The following LRRTM4 variants were observed in gnomAD, a reference collection of about 807,000 sequenced individuals.
LRRTM4 encodes leucine-rich repeat transmembrane neuronal protein 4.
A neutral mutation model predicts 47.6 loss-of-function variants in LRRTM4; 25 were observed. The ratio of observed to expected loss-of-function variants is 0.53; its 90% CI spans 0.38 to 0.73. LRRTM4 has a LOEUF of 0.73. Ranked by LOEUF, LRRTM4 falls within the 30% of genes least tolerant of loss-of-function variation. The pLI, the probability that LRRTM4 is intolerant of heterozygous loss-of-function variation, is 0.00. For synonymous variants in LRRTM4, 311 were observed against 269.5 expected, an observed-to-expected ratio of 1.15 and a Z score of -1.51; for missense variants, 638 against 713.4, an observed-to-expected ratio of 0.89 and a Z score of 1.20.
In LRRTM4 at chr2:76,930,621, T is replaced by A. The variant is rs192264897; in HGVS notation, c.1552-181705A>T. Among the ~76,000 whole-genome samples, 118 of 152,200 alleles carry A rather than the reference T, an allele frequency of 7.8e-4. 1 individual carries two copies. Among genetic ancestry groups the A allele is most frequent in the African/African-American group, 2.7e-3 (113 of 41,538 alleles). On this transcript the variant is annotated intron_variant, in intron 3 of 3. Transcript: ENST00000409884. ...TTGGACAGTCTTACAGCATGTTGTGTGACATATGGAGTGCTTTTTCACTAT... is the reference window on the plus strand; with the variant it reads ...TTGGACAGTCTTACAGCATGTTGTGAGACATATGGAGTGCTTTTTCACTAT...
intron 3 of LRRTM4, among the ~76,000 whole-genome samples, chr2:77,108,685 G>A (rs1185741137): frequency 2.0e-5 from 3 of 150,348 alleles, no homozygotes; most frequent in South Asian, 2.1e-4. Context: ...CCGGGTTCAC[G>A]CCATTCTCCT....
rs531216710 is a variant in LRRTM4 at position 77,025,815 on chromosome 2, C to A, written c.1552-276899G>T. Among the ~76,000 whole-genome samples, 3 of 152,238 alleles carry A rather than the reference C, an allele frequency of 2.0e-5. No individual in the cohort carries two copies. The South Asian group carries it at 6.2e-4, about 32-fold the overall frequency. Reference sequence around the variant, plus strand: ...GTATAATTTTTTTATCCTTTTATTCCTCATTTTAAATGCCATTTTATCAAC... The same window carrying A: ...GTATAATTTTTTTATCCTTTTATTCATCATTTTAAATGCCATTTTATCAAC... On this transcript the variant is annotated intron_variant, in intron 3 of 3. Coordinates refer to ENST00000409884, the MANE Select transcript of LRRTM4 (RefSeq NM_001134745.3).
chr2:76,889,822 GAAGA>G (rs1351618098), intron 3 of LRRTM4, among the ~76,000 whole-genome samples: 1 of 151,810 alleles, frequency 6.6e-6, no homozygotes, highest in Non-Finnish European at 1.5e-5. Flanking sequence ...TAGAGAGAAA[GAAGA>G]AAGAGAGAGA....
At chr2:76,990,896 G>C (rs532654289) in intron 3 of LRRTM4, among the ~76,000 whole-genome samples, 3 of 151,508 alleles carry the variant, frequency 2.0e-5, no homozygotes, top group Non-Finnish European at 4.4e-5. Flanking sequence ...CACATGCTTG[G>C]CTATAAAGCA....
intron 3 of LRRTM4, among the ~76,000 whole-genome samples, chr2:77,113,309 C>T (rs1191949452): frequency 6.6e-6 from 1 of 152,076 alleles, no homozygotes; most frequent in African/African-American, 2.4e-5. Context: ...GCAAAATGAC[C>T]TCAGTACAAA....
intron 3 of LRRTM4, among the ~76,000 whole-genome samples, chr2:77,293,760 G>A (rs1250779945): frequency 6.6e-6 from 1 of 152,064 alleles, no homozygotes; most frequent in Non-Finnish European, 1.5e-5. Context: ...TAAGGGCTAT[G>A]TCCAAAGAAT....
intron 3 of LRRTM4, among the ~76,000 whole-genome samples, chr2:76,781,141 C>A (rs1674362911): frequency 6.6e-6 from 1 of 152,254 alleles, no homozygotes; most frequent in African/African-American, 2.4e-5. Flanking sequence ...CTGGGAGAAC[C>A]ACAGCTCTCT....
At chr2:77,284,432 C>T (rs974398542) in intron 3 of LRRTM4, among the ~76,000 whole-genome samples, 1 of 151,920 alleles carries the variant, frequency 6.6e-6, no homozygotes, top group East Asian at 1.9e-4. Context: ...TTTGTCTTTT[C>T]ATTAAATATA....
rs893824593 is a variant in LRRTM4 at position 77,403,885 on chromosome 2, T to TATATATATATATATATATATATA, written c.1551+114432_1551+114433insTATATATATATATATATATATAT. 6.1e-4 allele frequency among the ~76,000 whole-genome samples: 91 copies of TATATATATATATATATATATATA among 150,356 alleles called. 1 individual carries two copies. The highest frequency in any genetic ancestry group is 2.2e-3 in the African/African-American group (90 of 40,046). On this transcript the variant is annotated intron_variant, in intron 3 of 3. Coordinates refer to ENST00000409884, the MANE Select transcript of LRRTM4 (RefSeq NM_001134745.3). ...TAAATGAGAAATATATATATATATA[T>TATATATATATATATATATATATA]TTTAGGAAAGGCGATTTCATTGAGA...
chr2:77,412,752 A>T (rs1277910332), intron 3 of LRRTM4, among the ~76,000 whole-genome samples: 2 of 152,212 alleles, frequency 1.3e-5, no homozygotes, highest in African/African-American at 4.8e-5. Context: ...AGCGAGTGAG[A>T]ACTATTCTGT....
chr2:77,329,429 G>A (rs1484846165), intron 3 of LRRTM4, among the ~76,000 whole-genome samples: 4 of 152,132 alleles, frequency 2.6e-5, no homozygotes, highest in South Asian at 2.1e-4. Flanking sequence ...CCATGAACAC[G>A]TTGGAAACAA....
chr2:77,322,772 T>C (rs149253260), intron 3 of LRRTM4, among the ~76,000 whole-genome samples: 3 of 149,752 alleles, frequency 2.0e-5, no homozygotes, highest in East Asian at 2.0e-4. Flanking sequence ...GATTTTGTTA[T>C]GCGTATAACA....
At chr2:77,241,203 AAT>A (rs1198202381) in intron 3 of LRRTM4, among the ~76,000 whole-genome samples, 2 of 119,176 alleles carry the variant, frequency 1.7e-5, no homozygotes, top group East Asian at 2.7e-4. Context: ...TGGAATTGGA[AAT>A]ACACACACAC....
intron 3 of LRRTM4, among the ~76,000 whole-genome samples, chr2:77,172,414 G>A (rs1673073913): frequency 6.6e-6 from 1 of 152,028 alleles, no homozygotes; most frequent in African/African-American, 2.4e-5. Context: ...GGCCAATATG[G>A]TGAAACCCCG....
chr2:77,089,042 T>A (rs1324041615), intron 3 of LRRTM4, among the ~76,000 whole-genome samples: 1 of 152,124 alleles, frequency 6.6e-6, no homozygotes, highest in Non-Finnish European at 1.5e-5. Flanking sequence ...GTTTAATCAC[T>A]GCAGGGACAC....
intron 3 of LRRTM4, among the ~76,000 whole-genome samples, chr2:77,354,694 T>G (rs1325135932): frequency 6.6e-6 from 1 of 152,178 alleles, no homozygotes; most frequent in Non-Finnish European, 1.5e-5. Flanking sequence ...GGACATTAAT[T>G]ATGCCTCAGA....
chr2:77,368,879 G>A (rs1457909534), intron 3 of LRRTM4, among the ~76,000 whole-genome samples: 4 of 151,650 alleles, frequency 2.6e-5, no homozygotes, highest in Non-Finnish European at 4.4e-5. Context: ...TTGCTAGATC[G>A]CATGGTATTT....
chr2:77,020,361 T>C (rs1367819901), intron 3 of LRRTM4, among the ~76,000 whole-genome samples: 1 of 152,112 alleles, frequency 6.6e-6, no homozygotes, highest in Non-Finnish European at 1.5e-5. Flanking sequence ...CAAAAGTAAT[T>C]GTGGCTTTTG....
intron 3 of LRRTM4, chr2:77,009,390 A>G (rs1377329782): frequency 6.6e-6 from 1 of 152,142 alleles, no homozygotes; most frequent in African/African-American, 2.4e-5. Context: ...AAAGCCTGCT[A>G]GTGATTTTGA....
Sources: allele counts gnomAD v4.1 joint callset (sites outside exome capture counted in the v4.1 genomes callset), GRCh38; gene constraint gnomAD v4.1.1; transcripts MANE v1.5; gene names NCBI Gene and HGNC (gene_info 2026-07-23, HGNC 2026-07-21).